Variants in ITGA4 observed in about 807,000 individuals in gnomAD.
ITGA4 encodes integrin subunit alpha 4, also known as integrin alpha-4.
Under a neutral mutation model 133.6 loss-of-function variants are expected in ITGA4, and 63 were observed. The observed-to-expected ratio is 0.47, with a 90% CI of 0.38 to 0.58. The LOEUF (loss-of-function observed/expected upper bound fraction) is 0.58. Among genes scored for constraint, ITGA4 ranks in the 20% least tolerant of loss-of-function variants. The pLI is 0.00. For missense variants in ITGA4, 1,076 were observed against 1,252.7 expected (o/e 0.86, Z 2.13); for synonymous variants, 483 against 438.0 (o/e 1.10, Z -1.28).
At position 181,530,510 on chromosome 2, in the gene ITGA4, T is replaced by G. The variant is rs1215828840; in HGVS notation, c.2539-14T>G. 3.1e-6 allele frequency: 5 copies of G among 1,602,088 alleles called. No homozygotes were observed. The highest frequency in any genetic ancestry group is 4.3e-6 in the Non-Finnish European group (5 of 1,171,740). ...GTTGAAAGATAAGATTTCTCTTGCT[T>G]TCTGTCTTCATAGACTACTACTGGA... is the stretch of plus-strand genomic sequence containing the variant. On this transcript the variant is annotated splice_polypyrimidine_tract_variant and intron_variant, in intron 23 of 27. Coordinates refer to ENST00000397033, the MANE Select transcript of ITGA4 (RefSeq NM_000885.6).
intron 10 of ITGA4, 51 bp downstream of exon 10, chr2:181,486,043 A>G (rs1225553184): frequency 6.5e-7 from 1 of 1,539,682 alleles, no homozygotes; most frequent in Non-Finnish European, 8.7e-7. Flanking sequence ...AAAATGGTTT[A>G]TGGAAGAAAA....
intron 2 of ITGA4, among the ~76,000 whole-genome samples, chr2:181,462,656 A>G (rs1168418415): frequency 6.6e-6 from 1 of 152,228 alleles, no homozygotes; most frequent in Non-Finnish European, 1.5e-5. Context: ...AGCTTCACTA[A>G]TAAACTATCA....
intron 15 of ITGA4, among the ~76,000 whole-genome samples, chr2:181,502,597 G>T (rs1161523123): frequency 1.3e-5 from 2 of 152,058 alleles, no homozygotes; most frequent in African/African-American, 4.8e-5. Context: ...GGGGACTGTA[G>T]AAGTTCTTGT....
Position 181,477,011 on chromosome 2 carries a change from A to G in ITGA4, c.556+1723A>G, listed in dbSNP as rs155089. ...GGAGCAGAGAGAGGATTGAAAAACT[A>G]CCTATCAGGTACTATGCCTATTACC... On this transcript the variant is annotated intron_variant, in intron 4 of 27. Transcript: ENST00000397033. Among the ~76,000 whole-genome samples, 689 of 152,230 alleles carry G rather than the reference A, an allele frequency of 4.5e-3. 3 individuals are homozygous for G. Among genetic ancestry groups the G allele is most frequent in the African/African-American group, 0.016 (657 of 41,544 alleles).
At chr2:181,526,010 T>C (rs115826170) in intron 21 of ITGA4, among the ~76,000 whole-genome samples, 2,361 of 152,346 alleles carry the variant, frequency 0.015, 70 homozygotes, top group African/African-American at 0.055. Context: ...GATGAGCCTT[T>C]CCTGTTGCTC....
Position 181,536,340 on chromosome 2 carries a change from G to T in ITGA4, c.*813G>T, listed in dbSNP as rs1232393166. On this transcript the variant is annotated 3_prime_UTR_variant, in exon 28 of 28. Transcript: ENST00000397033. ...CCCAGGAGTAATCTTCAAATCTTTT[G>T]TTATATTCTGAAACAAAAGATTGTG... is the stretch of plus-strand genomic sequence containing the variant. Among the ~76,000 whole-genome samples, 2 of 151,684 alleles carry T rather than the reference G, an allele frequency of 1.3e-5. No homozygotes were observed. Among genetic ancestry groups the T allele is most frequent in the African/African-American group, 4.8e-5 (2 of 41,310 alleles).
chr2:181,463,918 C>G (rs1685350657), intron 2 of ITGA4, among the ~76,000 whole-genome samples: 1 of 152,048 alleles, frequency 6.6e-6, no homozygotes, highest in Non-Finnish European at 1.5e-5. Flanking sequence ...TAGTGCTGCT[C>G]AAGTCTGGCT....
intron 26 of ITGA4, 74 bp from the exon 27 acceptor site, chr2:181,534,742 A>G: frequency 7.6e-7 from 1 of 1,312,510 alleles, no homozygotes; most frequent in Non-Finnish European, 1.0e-6. Flanking sequence ...CAGGGCTTTA[A>G]AGGAAATATA....
chr2:181,489,629 A>G (rs1315353582), intron 10 of ITGA4, among the ~76,000 whole-genome samples: 1 of 152,214 alleles, frequency 6.6e-6, no homozygotes, highest in African/African-American at 2.4e-5. Context: ...TGAAATATTA[A>G]TATATCGTCA....
At position 181,504,641 on chromosome 2, in the gene ITGA4, C is replaced by G. The variant is rs142915372; in HGVS notation, c.1696-5017C>G. Among the ~76,000 whole-genome samples the G allele has an allele frequency of 5.3e-3, 803 of 152,078 alleles. 9 individuals are homozygous for G. The highest frequency in any genetic ancestry group is 0.018 in the African/African-American group (757 of 41,508). On this transcript the variant is annotated intron_variant, in intron 15 of 27. Transcript: ENST00000397033. ...AATTGATTATTATAACATGTGAATT[C>G]TTCATTAGATTGCAAGATCTTTGAG...
upstream of ITGA4, chr2:181,457,282 C>T (rs1196881106): frequency 4.6e-6 from 1 of 217,142 alleles, no homozygotes; most frequent in East Asian, 1.6e-4. Context: ...CCTGCGCAGC[C>T]GAGGTTCCCC....
intron 22 of ITGA4, 87 bp from the exon 23 acceptor site, chr2:181,529,454 T>C (rs1333656728): frequency 1.7e-5 from 11 of 652,764 alleles, no homozygotes; most frequent in East Asian, 1.4e-4. Context: ...GCATGGAATA[T>C]ACGGGATCAC....
intron 12 of ITGA4, 62 bp downstream of exon 12, chr2:181,494,874 A>G (rs1686127698): frequency 2.3e-6 from 2 of 871,908 alleles, no homozygotes; most frequent in Middle Eastern, 2.5e-4. Flanking sequence ...ATACTGCTTT[A>G]TAGTGAAGTA....
chr2:181,500,807 A>T (rs930638881), intron 15 of ITGA4, among the ~76,000 whole-genome samples: 1 of 152,110 alleles, frequency 6.6e-6, no homozygotes, highest in African/African-American at 2.4e-5. Flanking sequence ...TTCTGTATAT[A>T]CCAGTGAATA....
In ITGA4 at chr2:181,503,410, T is replaced by C. The variant is rs575736732; in HGVS notation, c.1695+4633T>C. 8.5e-4 allele frequency among the ~76,000 whole-genome samples: 130 copies of C among 152,186 alleles called. 1 individual carries two copies. In the Middle Eastern group the frequency reaches 0.01, roughly 12 times the overall value. On this transcript the variant is annotated intron_variant, in intron 15 of 27. Coordinates refer to ENST00000397033, the MANE Select transcript of ITGA4 (RefSeq NM_000885.6). Reference sequence around the variant, plus strand: ...TGGCATGTAGATTTTTGTTCTGGCATGTTATTTTTCTGAGGCTATGTTTTC... The same window carrying C: ...TGGCATGTAGATTTTTGTTCTGGCACGTTATTTTTCTGAGGCTATGTTTTC...
rs554679214 is a variant in ITGA4 at position 181,495,588 on chromosome 2, T to C, written c.1385+172T>C. On this transcript the variant is annotated intron_variant, in intron 13 of 27. Coordinates refer to ENST00000397033, the MANE Select transcript of ITGA4 (RefSeq NM_000885.6). This position sits in a 1 kb window ranked among gnomAD's most constrained non-coding sequence, Gnocchi z 4.3. Reference sequence around the variant, plus strand: ...TTCACCTTACAGAGATATAATTAAATCATCAAAGTCAATATTTTTAGACAT... The same window carrying C: ...TTCACCTTACAGAGATATAATTAAACCATCAAAGTCAATATTTTTAGACAT... Among the ~76,000 whole-genome samples the C allele has an allele frequency of 1.3e-5, 2 of 152,310 alleles. No homozygotes were observed. The highest frequency in any genetic ancestry group is 4.1e-4 in the South Asian group (2 of 4,828).
intron 2 of ITGA4, among the ~76,000 whole-genome samples, chr2:181,473,628 A>G (rs1559039425): frequency 6.6e-6 from 1 of 152,190 alleles, no homozygotes; most frequent in Non-Finnish European, 1.5e-5. Context: ...TCCTTAAACA[A>G]AATCTCTCCT....
chr2:181,468,334 C>G (rs1685469505), intron 2 of ITGA4, among the ~76,000 whole-genome samples: 1 of 152,144 alleles, frequency 6.6e-6, no homozygotes, highest in Non-Finnish European at 1.5e-5. Flanking sequence ...AAAGACCTCT[C>G]CAAAGCTTAG....
At chr2:181,458,543 A>G (rs1336767630) in intron 2 of ITGA4, 1 of 554,036 alleles carries the variant, frequency 1.8e-6, no homozygotes, top group Non-Finnish European at 3.2e-6. Flanking sequence ...CAGTACTCTG[A>G]CAACTATGCT....
Sources: allele counts gnomAD v4.1 joint callset (sites outside exome capture counted in the v4.1 genomes callset), GRCh38; gene constraint gnomAD v4.1.1; non-coding constraint Gnocchi (gnomAD v3.1); transcripts MANE v1.5; gene names NCBI Gene and HGNC (gene_info 2026-07-23, HGNC 2026-07-21).